ADGRL3: variants seen among roughly 807,000 people sequenced by gnomAD.
ADGRL3 encodes adhesion G protein-coupled receptor L3.
In ADGRL3, 62 loss-of-function variants were observed where a neutral mutation model predicts 153.5. That is an observed-to-expected ratio of 0.40 (90% CI 0.33 to 0.50). The LOEUF (loss-of-function observed/expected upper bound fraction) is 0.50. ADGRL3 is among the 20% of genes least tolerant of loss of function. The pLI is 0.47. For missense variants in ADGRL3, 1,641 were observed against 1,859.4 expected, an observed-to-expected ratio of 0.88 and a Z score of 2.16; for synonymous variants, 710 against 672.5, an observed-to-expected ratio of 1.06 and a Z score of -0.86.
intron 5 of ADGRL3, among the ~76,000 whole-genome samples, chr4:61,669,186 A>AAT (rs2094908696): frequency 6.6e-6 from 1 of 152,154 alleles, no homozygotes; most frequent in Non-Finnish European, 1.5e-5. Flanking sequence ...AATCATGATT[A>AAT]ATGTTTTTAT....
At chr4:61,677,031 G>C in intron 6 of ADGRL3, 96 bp downstream of exon 6, 2 of 835,666 alleles carry the variant, frequency 2.4e-6, no homozygotes, top group Non-Finnish European at 3.9e-6. Flanking sequence ...CATAAATCAC[G>C]TAAATTAAAT....
chr4:61,715,885 T>C (rs923030622), intron 6 of ADGRL3, among the ~76,000 whole-genome samples: 2 of 143,012 alleles, frequency 1.4e-5, no homozygotes, highest in Non-Finnish European at 1.5e-5. Context: ...GCCATTTTCA[T>C]AACCATCTCC....
At chr4:61,759,336 C>T (rs1382024169) in intron 8 of ADGRL3, among the ~76,000 whole-genome samples, 1 of 152,178 alleles carries the variant, frequency 6.6e-6, no homozygotes, top group African/African-American at 2.4e-5. Flanking sequence ...GGTGTTTTCA[C>T]ATAGTCCCAT....
chr4:61,244,335 G>C (rs1204736408), intron 1 of ADGRL3, among the ~76,000 whole-genome samples: 1 of 152,018 alleles, frequency 6.6e-6, no homozygotes, highest in African/African-American at 2.4e-5. Context: ...AATAGAATAT[G>C]AATATTTATC....
At chr4:61,851,959 C>T (rs1212419962) in intron 9 of ADGRL3, among the ~76,000 whole-genome samples, 2 of 152,246 alleles carry the variant, frequency 1.3e-5, no homozygotes, top group Middle Eastern at 3.4e-3. Flanking sequence ...TATGTCATCA[C>T]GCACGTGTTT....
chr4:61,480,408 A>G (rs944802620), intron 2 of ADGRL3, among the ~76,000 whole-genome samples: 2 of 152,260 alleles, frequency 1.3e-5, no homozygotes, highest in East Asian at 3.9e-4. Flanking sequence ...TAAATATACC[A>G]CATTTTCTAT....
intron 1 of ADGRL3, among the ~76,000 whole-genome samples, chr4:61,221,009 T>A (rs1241486807): frequency 6.6e-6 from 1 of 152,200 alleles, no homozygotes; most frequent in Non-Finnish European, 1.5e-5. Context: ...TTCCCCTGAA[T>A]CAATTATTTT....
intron 17 of ADGRL3, among the ~76,000 whole-genome samples, chr4:61,977,003 A>G (rs2099050450): frequency 6.6e-6 from 1 of 152,162 alleles, no homozygotes; most frequent in African/African-American, 2.4e-5. Context: ...TCATACTTAA[A>G]AGGTGAATTA....
At chr4:61,745,988 G>A (rs1197126730) in intron 8 of ADGRL3, among the ~76,000 whole-genome samples, 1 of 152,070 alleles carries the variant, frequency 6.6e-6, no homozygotes. Flanking sequence ...ACACACAAAA[G>A]CTCAAAATAA....
intron 5 of ADGRL3, among the ~76,000 whole-genome samples, chr4:61,647,801 G>A (rs1032518298): frequency 2.6e-5 from 4 of 151,992 alleles, no homozygotes; most frequent in Non-Finnish European, 5.9e-5. Context: ...TAGAAAACAT[G>A]CATTTATTAA....
chr4:61,790,983 C>G (rs2097334700), intron 8 of ADGRL3, among the ~76,000 whole-genome samples: 1 of 152,252 alleles, frequency 6.6e-6, no homozygotes, highest in African/African-American at 2.4e-5. Context: ...CACTGGGTCC[C>G]TCCCATGACA....
intron 6 of ADGRL3, among the ~76,000 whole-genome samples, chr4:61,709,530 T>G (rs2095924328): frequency 1.3e-5 from 2 of 152,168 alleles, no homozygotes; most frequent in South Asian, 4.1e-4. Flanking sequence ...GAGGTAGAGA[T>G]CTTTATTATA....
At chr4:62,066,988 C>T (rs574446507) in intron 25 of ADGRL3, among the ~76,000 whole-genome samples, 1 of 152,172 alleles carries the variant, frequency 6.6e-6, no homozygotes, top group South Asian at 2.1e-4. Context: ...ATGTGCTTTC[C>T]AGTTCTAAAA....
rs151178856 is a variant in ADGRL3, at chr4:61,750,978, C to T, written c.1399+17424C>T. ...CAGGGCCATACAGCAGAAGTTGAGCCGCAGATGTTGAGCAGCAGGTGAGCG... is the reference window on the plus strand; with the variant it reads ...CAGGGCCATACAGCAGAAGTTGAGCTGCAGATGTTGAGCAGCAGGTGAGCG... On this transcript the variant is annotated intron_variant, in intron 8 of 26. Coordinates refer to ENST00000683033, the MANE Select transcript of ADGRL3 (RefSeq NM_001387552.1). Among the ~76,000 whole-genome samples the T allele has an allele frequency of 3.5e-4, 53 of 152,198 alleles. 1 individual carries two copies. Among genetic ancestry groups the T allele is most frequent in the Non-Finnish European group, 4.9e-4 (33 of 68,020 alleles).
intron 9 of ADGRL3, among the ~76,000 whole-genome samples, chr4:61,814,997 C>T (rs1277912279): frequency 3.9e-5 from 6 of 151,986 alleles, no homozygotes; most frequent in African/African-American, 4.8e-5. Flanking sequence ...ATCGGGTCTG[C>T]GCTTGGCACA....
intron 1 of ADGRL3, among the ~76,000 whole-genome samples, chr4:61,215,308 G>A (rs1014429947): frequency 2.0e-5 from 3 of 152,078 alleles, no homozygotes; most frequent in Admixed American, 6.6e-5. Flanking sequence ...TATGGACCTA[G>A]AAAAAACAAG....
At chr4:61,804,091 T>C (rs2097529089) in intron 8 of ADGRL3, among the ~76,000 whole-genome samples, 2 of 152,210 alleles carry the variant, frequency 1.3e-5, no homozygotes, top group South Asian at 4.1e-4. Context: ...TATACAATGA[T>C]ATATTTTAAA....
chr4:61,707,287 CAGAGACACCA>C (rs1475883215), intron 6 of ADGRL3, among the ~76,000 whole-genome samples: 7 of 152,096 alleles, frequency 4.6e-5, no homozygotes, highest in Non-Finnish European at 1.5e-5. Context: ...AAATGTGACA[CAGAGACACCA>C]AGTAAGCACA....
intron 2 of ADGRL3, among the ~76,000 whole-genome samples, chr4:61,443,103 A>T (rs2097544430): frequency 1.3e-5 from 2 of 152,186 alleles, no homozygotes; most frequent in Non-Finnish European, 2.9e-5. Context: ...CTTTCTTGCC[A>T]AATTCAGTGA....
Sources: gnomAD v4.1 joint callset for allele counts (sites outside exome capture counted in the v4.1 genomes callset) on GRCh38, gnomAD v4.1.1 for gene constraint, MANE v1.5 for transcripts, NCBI Gene and HGNC (gene_info 2026-07-23, HGNC 2026-07-21) for gene names.